The following DCC variants were observed in gnomAD, a reference collection of about 807,000 sequenced individuals.
The protein encoded by DCC is DCC netrin 1 receptor, also known as netrin receptor DCC.
Under a neutral mutation model 172.5 loss-of-function variants are expected in DCC, and 58 were observed. The observed-to-expected ratio is 0.34, with a 90% CI of 0.27 to 0.42. The LOEUF (loss-of-function observed/expected upper bound fraction) is 0.42, where lower values mean the gene tolerates loss of function less well. Among genes scored for constraint, DCC ranks in the 10% least tolerant of loss-of-function variants. The pLI, the probability that DCC is intolerant of heterozygous loss-of-function variation, is 1.00. For synonymous variants in DCC, 709 were observed against 644.5 expected (o/e 1.10, Z -1.52); for missense variants, 1,740 against 1,791.0 (o/e 0.97, Z 0.51).
intron 5 of DCC, among the ~76,000 whole-genome samples, chr18:53,049,663 T>A (rs2144033653): frequency 6.6e-6 from 1 of 152,184 alleles, no homozygotes; most frequent in South Asian, 2.1e-4. Flanking sequence ...CCTTGGCTAT[T>A]TAGGCTCTTT....
chr18:52,673,430 G>A lies in DCC; in HGVS notation c.92-78624G>A, dbSNP rs76733301. ...GTCCCATAATTTAAGATTGTCTGAT[G>A]TTTGTCTCATGTTTAGACTGAGGTT... is the stretch of plus-strand genomic sequence containing the variant. On this transcript the variant is annotated intron_variant, in intron 1 of 28. Transcript: ENST00000442544. 6.0e-3 allele frequency among the ~76,000 whole-genome samples: 918 copies of A among 152,254 alleles called. 12 individuals carry two copies. Among genetic ancestry groups the A allele is most frequent in the African/African-American group, 0.021 (880 of 41,548 alleles).
rs544262065 is a variant in DCC at position 53,106,377 on chromosome 18, G to T, written c.1261+40211G>T. Among the ~76,000 whole-genome samples the T allele has an allele frequency of 1.8e-4, 28 of 151,968 alleles. No homozygotes were observed. The East Asian group carries it at 4.5e-3, about 24-fold the overall frequency. On this transcript the variant is annotated intron_variant, in intron 7 of 28. Coordinates refer to ENST00000442544, the MANE Select transcript of DCC (RefSeq NM_005215.4). ...TACTTGCCTGCCTGGTACTGGGAAGGTATATATGGTGCTTCCTTGCAAGCT... is the reference window on the plus strand; with the variant it reads ...TACTTGCCTGCCTGGTACTGGGAAGTTATATATGGTGCTTCCTTGCAAGCT...
chr18:53,237,347 T>C (rs2056221769), intron 12 of DCC, among the ~76,000 whole-genome samples: 1 of 152,178 alleles, frequency 6.6e-6, no homozygotes, highest in African/African-American at 2.4e-5. Flanking sequence ...CAAAGTGTTT[T>C]ATATATCTTG....
At position 52,347,686 on chromosome 18, in the gene DCC, C is replaced by A. The variant is rs537652392; in HGVS notation, c.91+6808C>A. ...TAGGAGAGGAGATTAGAAAACAGCACCTGAATCCCTTATTAGAGGAATATC... is the reference window on the plus strand; with the variant it reads ...TAGGAGAGGAGATTAGAAAACAGCAACTGAATCCCTTATTAGAGGAATATC... On this transcript the variant is annotated intron_variant, in intron 1 of 28. Transcript: ENST00000442544. 1.5e-4 allele frequency among the ~76,000 whole-genome samples: 23 copies of A among 152,170 alleles called. No homozygotes were observed. In the East Asian group the frequency reaches 3.7e-3, roughly 24 times the overall value.
chr18:52,714,803 A>G (rs1319425797), intron 1 of DCC, among the ~76,000 whole-genome samples: 3 of 152,202 alleles, frequency 2.0e-5, no homozygotes, highest in Non-Finnish European at 4.4e-5. Context: ...TTACTTTGAG[A>G]TTCCATTTAT....
chr18:53,532,977 T>A lies in DCC; in HGVS notation c.*2324T>A, dbSNP rs538624508. ...CTGCTGCATGCTTTTGAAACTTTCT[T>A]CATTAAATAGAATGGTTTGTCTTAG... On this transcript the variant is annotated 3_prime_UTR_variant, in exon 29 of 29. Transcript: ENST00000442544. 6.6e-6 allele frequency: 1 copy of A among 152,354 alleles called. No homozygotes were observed. Among genetic ancestry groups the A allele is most frequent in the African/African-American group, 2.4e-5 (1 of 41,586 alleles). The allele number at this position is 152,354 out of a possible 1,614,324, so 9.4% of individuals were successfully genotyped here.
At chr18:52,785,056 T>C (rs1267751245) in intron 2 of DCC, among the ~76,000 whole-genome samples, 1 of 151,790 alleles carries the variant, frequency 6.6e-6, no homozygotes, top group African/African-American at 2.4e-5. Flanking sequence ...GGCTCACAGA[T>C]TGGTTGATCA....
chr18:52,936,197 T>TGA (rs1568197630), intron 5 of DCC, among the ~76,000 whole-genome samples: 7 of 126,030 alleles, frequency 5.6e-5, no homozygotes, highest in South Asian at 2.2e-4. Context: ...TTAGTTATTT[T>TGA]CCTCAGCTGA....
chr18:52,463,661 G>C (rs1011053172), intron 1 of DCC, among the ~76,000 whole-genome samples: 1 of 152,142 alleles, frequency 6.6e-6, no homozygotes. Context: ...GTCTTAGGTG[G>C]AGGTAACTGT....
intron 1 of DCC, among the ~76,000 whole-genome samples, chr18:52,713,387 A>G (rs1396438045): frequency 6.6e-6 from 1 of 152,202 alleles, no homozygotes; most frequent in African/African-American, 2.4e-5. Flanking sequence ...CTTTAATTCT[A>G]CAAGGAAGAG....
chr18:53,462,779 C>T (rs577377924), intron 24 of DCC, among the ~76,000 whole-genome samples: 1 of 152,164 alleles, frequency 6.6e-6, no homozygotes, highest in Admixed American at 6.5e-5. Flanking sequence ...TCCAGGCTTA[C>T]CACCTAACAC....
At chr18:52,946,847 C>T (rs569253543) in intron 5 of DCC, among the ~76,000 whole-genome samples, 2 of 152,122 alleles carry the variant, frequency 1.3e-5, no homozygotes, top group African/African-American at 4.8e-5. Context: ...AGGTGAGGTG[C>T]AAAATTTAAG....
At chr18:52,667,797 G>A (rs1264457829) in intron 1 of DCC, among the ~76,000 whole-genome samples, 2 of 152,128 alleles carry the variant, frequency 1.3e-5, no homozygotes, top group Admixed American at 6.5e-5. Context: ...AAGAAATTAG[G>A]GGTGGTAAGG....
chr18:53,219,499 G>T (rs2055899624), intron 12 of DCC, among the ~76,000 whole-genome samples: 2 of 151,980 alleles, frequency 1.3e-5, no homozygotes, highest in African/African-American at 4.8e-5. Context: ...ATAGATCATT[G>T]TTCAGATTTA....
chr18:52,464,221 G>A (rs575972769), intron 1 of DCC, among the ~76,000 whole-genome samples: 11 of 152,156 alleles, frequency 7.2e-5, no homozygotes, highest in South Asian at 6.2e-4. Context: ...ATCCTAGTTC[G>A]GGAAACACTT....
Position 52,340,249 on chromosome 18 carries a change from T to TC in DCC, c.-532dup, listed in dbSNP as rs1255189539. The TC allele has an allele frequency of 6.8e-5, 13 of 190,118 alleles. No homozygotes were observed. The highest frequency in any genetic ancestry group is 1.2e-4 in the East Asian group (1 of 8,260). The allele number at this position is 190,118 out of a possible 1,614,324, so 11.8% of individuals were successfully genotyped here. On this transcript the variant is annotated 5_prime_UTR_variant, in exon 1 of 29. Coordinates refer to ENST00000442544, the MANE Select transcript of DCC (RefSeq NM_005215.4). Reference sequence around the variant, plus strand: ...CAAGTGAGAGCGCTCCACCCCGCAGTCCCCCCCGCCTCTCCTCCCTGGGTC... The same window carrying TC: ...CAAGTGAGAGCGCTCCACCCCGCAGTCCCCCCCCGCCTCTCCTCCCTGGGTC...
intron 5 of DCC, among the ~76,000 whole-genome samples, chr18:52,936,958 A>T (rs560649635): frequency 6.6e-6 from 1 of 152,172 alleles, no homozygotes; most frequent in Non-Finnish European, 1.5e-5. Context: ...TCTTGGTGCA[A>T]TCATTTCAGT....
At chr18:53,031,166 G>A (rs977782097) in intron 5 of DCC, among the ~76,000 whole-genome samples, 44 of 152,260 alleles carry the variant, frequency 2.9e-4, no homozygotes, top group African/African-American at 1.0e-3. Flanking sequence ...GGCTGAGGCC[G>A]GAGAATTGCA....
At chr18:52,784,706 G>A (rs923128167) in intron 2 of DCC, among the ~76,000 whole-genome samples, 3 of 151,920 alleles carry the variant, frequency 2.0e-5, no homozygotes, top group Non-Finnish European at 4.4e-5. Context: ...CCATTTGTAT[G>A]TCTTCTTTTG....
Sources: allele counts gnomAD v4.1 joint callset (sites outside exome capture counted in the v4.1 genomes callset), GRCh38; gene constraint gnomAD v4.1.1; transcripts MANE v1.5; gene names NCBI Gene and HGNC (gene_info 2026-07-23, HGNC 2026-07-21).